MYH15: variants seen among roughly 807,000 people sequenced by gnomAD.
The protein encoded by MYH15 is myosin-15.
MYH15 carries 227 observed loss-of-function variants against 240.5 expected under a neutral mutation model. The ratio of observed to expected loss-of-function variants is 0.94; its 90% CI spans 0.85 to 1.05. The LOEUF is 1.05. Ranked by LOEUF, MYH15 falls within the 50% of genes least tolerant of loss-of-function variation. The pLI, the probability that MYH15 is intolerant of heterozygous loss-of-function variation, is 0.00. For missense variants in MYH15, 2,217 were observed against 2,247.5 expected (o/e 0.99, Z 0.27); for synonymous variants, 785 against 796.7 (o/e 0.99, Z 0.25).
chr3:108,524,053 T>G (rs1284247040), intron 1 of MYH15, among the ~76,000 whole-genome samples: 1 of 151,976 alleles, frequency 6.6e-6, no homozygotes, highest in Non-Finnish European at 1.5e-5. Context: ...TTTATTTATT[T>G]GAGAAAGTGT....
chr3:108,525,625 C>T (rs757050213), intron 1 of MYH15, among the ~76,000 whole-genome samples: 4 of 152,050 alleles, frequency 2.6e-5, no homozygotes, highest in Admixed American at 6.6e-5. Flanking sequence ...TGTTTTTTAA[C>T]GAGTGGCTGT....
chr3:108,400,676 G>A (rs2082497226), intron 33 of MYH15, among the ~76,000 whole-genome samples: 1 of 152,120 alleles, frequency 6.6e-6, no homozygotes, highest in South Asian at 2.1e-4. Flanking sequence ...AGGCGTGGTG[G>A]CATGTGTCTG....
upstream of MYH15, among the ~76,000 whole-genome samples, chr3:108,512,298 G>A (rs928579270): frequency 1.3e-5 from 2 of 152,146 alleles, no homozygotes; most frequent in Admixed American, 6.6e-5. Context: ...GAAATAGATG[G>A]TAGGAAACAT....
At chr3:108,396,024 G>C (rs2082458158) in intron 35 of MYH15, among the ~76,000 whole-genome samples, 1 of 152,146 alleles carries the variant, frequency 6.6e-6, no homozygotes, top group Admixed American at 6.5e-5. Context: ...GGTGAGATCT[G>C]AGAATTTACA....
At chr3:108,505,851 AAAT>A (rs1401602040) in intron 1 of MYH15, 22 bp from the exon 2 acceptor site, 1 of 1,475,192 alleles carries the variant, frequency 6.8e-7, no homozygotes, top group Admixed American at 1.8e-5. Flanking sequence ...AAAAAAAAAA[AAAT>A]GGATTATAGC....
chr3:108,384,730 A>C lies in MYH15; in HGVS notation c.5588T>G (p.Leu1863Arg). ...LSRMQTQMDK[L>R]QLKVQNYKQQ... ...CTTGTAATTTTGCACTTTTAGCTGA[A>C]GTTTATCCATCTGAGTTTGCATCCT... The change falls in exon 39 of 41, where the codon CTT (leucine) becomes CGT (arginine). Residue 1863 changes from leucine (L) to arginine (R), a missense_variant. By Grantham distance (102) the Leu-to-Arg change is moderately radical. Transcript: ENST00000693548. 1.2e-6 allele frequency: 2 copies of C among 1,613,804 alleles called. No homozygotes were observed. The highest frequency in any genetic ancestry group is 1.7e-6 in the Non-Finnish European group (2 of 1,179,862).
chr3:108,408,258 C>G (rs1192771694), intron 32 of MYH15, 22 bp downstream of exon 32: 1 of 1,597,434 alleles, frequency 6.3e-7, no homozygotes. Flanking sequence ...TGAAAACTTT[C>G]TTTTCTCCCT....
chr3:108,493,025 G>GGAAGGAAT, intron 8 of MYH15, 89 bp downstream of exon 8: 1 of 963,274 alleles, frequency 1.0e-6, no homozygotes, highest in Non-Finnish European at 1.6e-6. Context: ...AAGAAGAAAA[G>GGAAGGAAT]GAAGGAAGGA....
intron 33 of MYH15, among the ~76,000 whole-genome samples, chr3:108,402,043 C>T (rs1197246574): frequency 1.3e-5 from 2 of 152,106 alleles, no homozygotes; most frequent in Non-Finnish European, 2.9e-5. Flanking sequence ...ATTAGCTCAG[C>T]ATTTAAATCA....
chr3:108,524,055 A>G (rs909056100), intron 1 of MYH15, among the ~76,000 whole-genome samples: 4 of 151,956 alleles, frequency 2.6e-5, no homozygotes, highest in African/African-American at 9.7e-5. Flanking sequence ...TATTTATTTG[A>G]GAAAGTGTCC....
At chr3:108,440,625 A>G (rs982722810) in intron 23 of MYH15, among the ~76,000 whole-genome samples, 1 of 151,478 alleles carries the variant, frequency 6.6e-6, no homozygotes, top group Non-Finnish European at 1.5e-5. Context: ...CTCCAAATCA[A>G]TGACACAGCT....
At chr3:108,393,108 C>G (rs1196286292) in intron 36 of MYH15, among the ~76,000 whole-genome samples, 1 of 152,202 alleles carries the variant, frequency 6.6e-6, no homozygotes, top group Non-Finnish European at 1.5e-5. Flanking sequence ...AGCTCTTCAC[C>G]TCCTTTGAAT....
chr3:108,504,685 G>A (rs1364847351), intron 2 of MYH15, among the ~76,000 whole-genome samples: 1 of 152,182 alleles, frequency 6.6e-6, no homozygotes, highest in Admixed American at 6.5e-5. Context: ...CATTTAAGTA[G>A]GACAGAAATG....
At chr3:108,416,999 C>T (rs1454327793) in intron 28 of MYH15, 69 bp from the exon 29 acceptor site, 6 of 1,259,574 alleles carry the variant, frequency 4.8e-6, no homozygotes, top group Non-Finnish European at 6.9e-6. Flanking sequence ...ACTTGACTTA[C>T]TGACTTTAAG....
At chr3:108,533,801 G>A (rs544343566), upstream of MYH15, among the ~76,000 whole-genome samples, 16 of 152,274 alleles carry the variant, frequency 1.1e-4, 1 homozygote, top group Admixed American at 6.5e-4. Context: ...CTAGGTAATG[G>A]AATCTGGACA....
In MYH15 at chr3:108,492,575, C is replaced by T. The variant is rs374694357; in HGVS notation, c.796G>A (p.Val266Met). ...IDIYLLEKSRVIFQQAGERNY... is the reference protein window; with the variant it reads ...IDIYLLEKSRMIFQQAGERNY... Reference sequence around the variant, plus strand: ...CTCTCTCCAGCCTGCTGGAAAATCACCCTGGACTTTTCAAGCAAATCTGGA... The same window carrying T: ...CTCTCTCCAGCCTGCTGGAAAATCATCCTGGACTTTTCAAGCAAATCTGGA... The change falls in exon 9 of 41, where the codon GTG (valine) becomes ATG (methionine). Residue 266 changes from valine (V) to methionine (M), a missense_variant. Val to Met is a conservative substitution (Grantham distance 21). Coordinates refer to ENST00000693548, the MANE Select transcript of MYH15 (RefSeq NM_014981.3). The T allele has an allele frequency of 1.8e-5, 29 of 1,612,954 alleles. No individual in the cohort carries two copies. Among genetic ancestry groups the T allele is most frequent in the Non-Finnish European group, 2.4e-5 (28 of 1,179,346 alleles).
chr3:108,500,271 A>C lies in MYH15; in HGVS notation c.343T>G (p.Tyr115Asp). 2.5e-6 allele frequency: 4 copies of C among 1,606,860 alleles called. No homozygotes were observed. Among genetic ancestry groups the C allele is most frequent in the Non-Finnish European group, 3.4e-6 (4 of 1,177,494 alleles). ...ATGGTCACACAGAAGAGACCTGAAT[A>C]TGTCTGAGGGAAAATCAGAAAAGAT... is the stretch of plus-strand genomic sequence containing the variant. ...RRYGQWMIYTYSGLFCVTINP... is the reference protein window; with the variant it reads ...RRYGQWMIYTDSGLFCVTINP... The change falls in exon 4 of 41, where the codon TAT becomes GAT. Residue 115 changes from tyrosine (Y) to aspartate (D), a missense_variant. Coordinates refer to ENST00000693548, the MANE Select transcript of MYH15 (RefSeq NM_014981.3).
At chr3:108,444,301 TG>T (rs942554481) in intron 22 of MYH15, among the ~76,000 whole-genome samples, 9 of 152,104 alleles carry the variant, frequency 5.9e-5, no homozygotes, top group African/African-American at 2.2e-4. Flanking sequence ...AAGCTTTTCT[TG>T]GGACCTACTA....
Position 108,394,307 on chromosome 3 carries a change from C to T in MYH15, c.5134-151G>A, listed in dbSNP as rs117372196. The T allele has an allele frequency of 1.2e-4, 122 of 993,654 alleles. No homozygotes were observed. In the Middle Eastern group the frequency reaches 2.1e-3, roughly 17 times the overall value. The allele number at this position is 993,654 out of a possible 1,614,324, so 61.6% of individuals were successfully genotyped here. On this transcript the variant is annotated intron_variant, in intron 35 of 40. Coordinates refer to ENST00000693548, the MANE Select transcript of MYH15 (RefSeq NM_014981.3). ...GTCCCTTAAGCAGTGCTCCCAATCCCGAAAGGCTTTTGCCATCAAACTTGA... is the reference window on the plus strand; with the variant it reads ...GTCCCTTAAGCAGTGCTCCCAATCCTGAAAGGCTTTTGCCATCAAACTTGA...
Sources: allele counts gnomAD v4.1 joint callset (sites outside exome capture counted in the v4.1 genomes callset), GRCh38; gene constraint gnomAD v4.1.1; transcripts MANE v1.5; gene names NCBI Gene and HGNC (gene_info 2026-07-23, HGNC 2026-07-21).